Variants in FAM135B observed in about 807,000 individuals in gnomAD.
FAM135B encodes protein FAM135B.
In FAM135B, 43 loss-of-function variants were observed where a neutral mutation model predicts 127.7. That is an observed-to-expected ratio of 0.34 (90% confidence interval 0.26 to 0.43). FAM135B has a LOEUF of 0.43. FAM135B is among the 20% of genes least tolerant of loss of function. FAM135B has a pLI of 1.00. For missense variants in FAM135B, 1,558 were observed against 1,725.6 expected (o/e 0.90, Z 1.72); for synonymous variants, 670 against 665.1 (o/e 1.01, Z -0.11).
At position 138,217,710 on chromosome 8, in the gene FAM135B, C is replaced by T. The variant is rs924720468; in HGVS notation, c.670-20041G>A. ...CTTACCAAAGTGCTGGGATTACAGG[C>T]GTGAGCCACCATGCCCGGCCGATAT... On this transcript the variant is annotated intron_variant, in intron 7 of 19. Transcript: ENST00000395297. Among the ~76,000 whole-genome samples, 10 of 152,132 alleles carry T rather than the reference C, an allele frequency of 6.6e-5. No homozygotes were observed. The East Asian group carries it at 7.7e-4, about 12-fold the overall frequency.
chr8:138,488,576 T>TGTAGA (rs1301238742), intron 1 of FAM135B, among the ~76,000 whole-genome samples: 4 of 152,046 alleles, frequency 2.6e-5, no homozygotes, highest in African/African-American at 9.7e-5. Context: ...CAACCAGCAG[T>TGTAGA]GTAGACACAA....
chr8:138,459,713 C>CCTGA (rs1338261683), intron 1 of FAM135B: 1 of 152,150 alleles, frequency 6.6e-6, no homozygotes, highest in Non-Finnish European at 1.5e-5. Flanking sequence ...CAGAAGGGGC[C>CCTGA]CTGGCATTGT....
At chr8:138,317,369 C>T (rs1446513682) in intron 2 of FAM135B, among the ~76,000 whole-genome samples, 1 of 152,062 alleles carries the variant, frequency 6.6e-6, no homozygotes, top group Non-Finnish European at 1.5e-5. Context: ...GAGAGAGAGG[C>T]AAGCGGGTGT....
chr8:138,298,734 T>C (rs993193636), intron 3 of FAM135B, among the ~76,000 whole-genome samples: 2 of 152,090 alleles, frequency 1.3e-5, no homozygotes, highest in Non-Finnish European at 2.9e-5. Flanking sequence ...GGCTAGGCCA[T>C]AGGCTCATTT....
chr8:138,142,909 T>C lies in FAM135B; in HGVS notation c.3638+103A>G, dbSNP rs538134935. ...ATTAAAAGTCACAAGTTAGCTTAGCTCAGTGGTATACAGAAGGCATCATAT... is the reference window on the plus strand; with the variant it reads ...ATTAAAAGTCACAAGTTAGCTTAGCCCAGTGGTATACAGAAGGCATCATAT... On this transcript the variant is annotated intron_variant, in intron 16 of 19. Transcript: ENST00000395297. 3 of 667,080 alleles carry C rather than the reference T, an allele frequency of 4.5e-6. No homozygotes were observed. The South Asian group carries it at 5.4e-5, about 12-fold the overall frequency. 41.3% of individuals were successfully genotyped at this position (667,080 alleles called of 1,614,324 possible). A position where few individuals can be genotyped will look rare whatever the true frequency, so the allele number is the denominator to read the frequency against.
intron 18 of FAM135B, 137 bp from the exon 19 acceptor site, chr8:138,137,397 C>A (rs758626388): frequency 3.1e-6 from 2 of 649,732 alleles, no homozygotes; most frequent in African/African-American, 1.8e-5. Context: ...TGTCATCACA[C>A]AAGGACATTC....
Position 138,151,664 on chromosome 8 carries a change from C to A in FAM135B, c.2811G>T (p.Leu937Phe), listed in dbSNP as rs2130738084. ...TGGCATCAGCAGCTGACGTACAGCT[C>A]AATTCAGGCACCTGATGTTGAGAGA... ...EGLSQHQVPE[L>F]SCTSAADAIN... Residue 937 changes from leucine (L) to phenylalanine (F), a missense_variant, in exon 13 of 20, where the codon TTG becomes TTT. Coordinates refer to ENST00000395297, the MANE Select transcript of FAM135B (RefSeq NM_015912.4). 1 of 1,614,132 alleles carries A rather than the reference C, an allele frequency of 6.2e-7. No individual in the cohort carries two copies. Among genetic ancestry groups the A allele is most frequent in the Non-Finnish European group, 8.5e-7 (1 of 1,180,032 alleles).
At chr8:138,195,921 G>A (rs1816587824) in intron 8 of FAM135B, among the ~76,000 whole-genome samples, 1 of 152,142 alleles carries the variant, frequency 6.6e-6, no homozygotes, top group African/African-American at 2.4e-5. Flanking sequence ...GCTCTGGCAT[G>A]GATTTTAATT....
intron 1 of FAM135B, among the ~76,000 whole-genome samples, chr8:138,463,822 G>A (rs980418813): frequency 1.1e-4 from 17 of 152,240 alleles, no homozygotes; most frequent in Non-Finnish European, 1.2e-4. Flanking sequence ...GAGAAGGGTC[G>A]AGTAGAATGA....
At chr8:138,307,228 A>T (rs1826328038) in intron 3 of FAM135B, among the ~76,000 whole-genome samples, 1 of 152,174 alleles carries the variant, frequency 6.6e-6, no homozygotes, top group African/African-American at 2.4e-5. Context: ...TCTGAGTTTT[A>T]AAAAGAGGAG....
At chr8:138,284,095 T>TA (rs1298229111) in intron 3 of FAM135B, among the ~76,000 whole-genome samples, 4 of 152,112 alleles carry the variant, frequency 2.6e-5, no homozygotes, top group East Asian at 1.9e-4. Context: ...TAAAATCTGT[T>TA]AAAAAAAACT....
At chr8:138,435,159 G>T (rs560349487) in intron 1 of FAM135B, among the ~76,000 whole-genome samples, 3 of 152,150 alleles carry the variant, frequency 2.0e-5, no homozygotes, top group Non-Finnish European at 2.9e-5. Context: ...TTAGCCAGAC[G>T]TCGTGGCAGG....
chr8:138,169,215 A>G lies in FAM135B; in HGVS notation c.1104-1166T>C, dbSNP rs551382424. Among the ~76,000 whole-genome samples, 14 of 152,040 alleles carry G rather than the reference A, an allele frequency of 9.2e-5. 1 individual carries two copies. The South Asian group carries it at 2.7e-3, about 29-fold the overall frequency. On this transcript the variant is annotated intron_variant, in intron 11 of 19. Coordinates refer to ENST00000395297, the MANE Select transcript of FAM135B (RefSeq NM_015912.4). ...TATTTTGTTTCCTTCTCATTTTTCA[A>G]TTGGATCTTAACCCACCACAAGGGA...
At chr8:138,173,521 G>A (rs2130938651) in intron 11 of FAM135B, among the ~76,000 whole-genome samples, 1 of 152,182 alleles carries the variant, frequency 6.6e-6, no homozygotes, top group Middle Eastern at 3.4e-3. Context: ...TTAAAGTGGG[G>A]AGAATAATAG....
At chr8:138,402,446 C>T (rs1308435147) in intron 1 of FAM135B, among the ~76,000 whole-genome samples, 1 of 152,112 alleles carries the variant, frequency 6.6e-6, no homozygotes, top group Non-Finnish European at 1.5e-5. Flanking sequence ...TACTGTAGCT[C>T]ACCTCAGGCA....
chr8:138,148,897 G>T (rs548392091), intron 13 of FAM135B: 3 of 254,124 alleles, frequency 1.2e-5, no homozygotes, highest in African/African-American at 2.4e-5. Flanking sequence ...ACCAAACACC[G>T]CATGTTCTCA....
intron 2 of FAM135B, among the ~76,000 whole-genome samples, chr8:138,320,980 C>A (rs1030277679): frequency 3.3e-5 from 5 of 152,110 alleles, no homozygotes; most frequent in African/African-American, 9.7e-5. Context: ...ATGAAACAAC[C>A]GCTCTGACTC....
Position 138,416,371 on chromosome 8 carries a change from A to C in FAM135B, c.-19-48369T>G, listed in dbSNP as rs181350486. Among the ~76,000 whole-genome samples the C allele has an allele frequency of 4.6e-5, 7 of 152,302 alleles. No homozygotes were observed. The East Asian group carries it at 1.4e-3, about 29-fold the overall frequency. On this transcript the variant is annotated intron_variant, in intron 1 of 19. Coordinates refer to ENST00000395297, the MANE Select transcript of FAM135B (RefSeq NM_015912.4). Reference sequence around the variant, plus strand: ...CCTCCTAAGGGCATGTGACTTACATAATACATAAGACCTGTTGTTTTGCAC... The same window carrying C: ...CCTCCTAAGGGCATGTGACTTACATCATACATAAGACCTGTTGTTTTGCAC...
chr8:138,322,516 A>T (rs1349925886), intron 2 of FAM135B, among the ~76,000 whole-genome samples: 6 of 152,214 alleles, frequency 3.9e-5, no homozygotes, highest in African/African-American at 1.4e-4. Flanking sequence ...TCTTGTCCTA[A>T]GAGTGGGACA....
Sources: gnomAD v4.1 joint callset for allele counts (sites outside exome capture counted in the v4.1 genomes callset) on GRCh38, gnomAD v4.1.1 for gene constraint, MANE v1.5 for transcripts, NCBI Gene and HGNC (gene_info 2026-07-23, HGNC 2026-07-21) for gene names.